Variants in DNER observed in about 807,000 individuals in gnomAD.
DNER encodes delta and Notch-like epidermal growth factor-related receptor.
DNER carries 33 observed loss-of-function variants against 78.2 expected under a neutral mutation model. That is an observed-to-expected ratio of 0.42 (90% CI 0.32 to 0.56). The LOEUF is 0.56. Ranked by LOEUF, DNER falls within the 20% of genes least tolerant of loss-of-function variation. DNER has a pLI of 0.11. For missense variants in DNER, 918 were observed against 975.3 expected, an observed-to-expected ratio of 0.94 and a Z score of 0.78; for synonymous variants, 417 against 384.8, an observed-to-expected ratio of 1.08 and a Z score of -0.98.
chr2:229,612,651 C>T (rs1698070862), intron 1 of DNER, among the ~76,000 whole-genome samples: 7 of 152,334 alleles, frequency 4.6e-5, no homozygotes, highest in Middle Eastern at 3.4e-3. Context: ...GTTTTTTGCA[C>T]TTTGCCAGAA....
At chr2:229,431,077 G>T (rs1019736379) in intron 8 of DNER, among the ~76,000 whole-genome samples, 1 of 151,964 alleles carries the variant, frequency 6.6e-6, no homozygotes, top group African/African-American at 2.4e-5. Context: ...AATCTTTGAA[G>T]ATGTTAAAAA....
Position 229,447,417 on chromosome 2 carries a change from C to G in DNER, c.1385G>C (p.Gly462Ala), listed in dbSNP as rs745866460. Residue 462 changes from glycine to alanine, a missense_variant, in exon 8 of 13, where the codon GGG (glycine) becomes GCG (alanine). Gly to Ala is a moderately conservative substitution (Grantham distance 60, BLOSUM62 0). Coordinates refer to ENST00000341772, the MANE Select transcript of DNER (RefSeq NM_139072.4). ...GTCAATAAGCTGGGCACAGGTCGGCCCTGTGAAGCCCGGGCTGCAGTTGCA... is the reference window on the plus strand; with the variant it reads ...GTCAATAAGCTGGGCACAGGTCGGCGCTGTGAAGCCCGGGCTGCAGTTGCA... ...FTCNCSPGFT[G>A]PTCAQLIDFC... The G allele has an allele frequency of 6.2e-7, 1 of 1,613,964 alleles. No homozygotes were observed. The highest frequency in any genetic ancestry group is 1.3e-5 in the African/African-American group (1 of 75,034).
At chr2:229,554,801 G>A (rs1421871260) in intron 4 of DNER, among the ~76,000 whole-genome samples, 5 of 151,848 alleles carry the variant, frequency 3.3e-5, no homozygotes, top group African/African-American at 9.7e-5. Context: ...ACTGCAGTGA[G>A]CTTTGATTAT....
chr2:229,584,795 G>A (rs368298742), intron 4 of DNER, among the ~76,000 whole-genome samples: 30 of 151,586 alleles, frequency 2.0e-4, no homozygotes, highest in African/African-American at 5.8e-4. Flanking sequence ...TTAGCTGAGC[G>A]TGATGGCACA....
At chr2:229,501,034 C>T (rs1695610660) in intron 6 of DNER, among the ~76,000 whole-genome samples, 1 of 152,060 alleles carries the variant, frequency 6.6e-6, no homozygotes, top group African/African-American at 2.4e-5. Context: ...ATAAGCCAGA[C>T]ACAGAAGGAG....
intron 11 of DNER, among the ~76,000 whole-genome samples, chr2:229,383,732 C>A (rs1692797851): frequency 6.6e-6 from 1 of 152,040 alleles, no homozygotes; most frequent in African/African-American, 2.4e-5. Context: ...TATATGCACC[C>A]AATAAAGGAG....
intron 8 of DNER, among the ~76,000 whole-genome samples, chr2:229,421,386 T>C (rs1693759755): frequency 6.6e-6 from 1 of 151,880 alleles, no homozygotes; most frequent in African/African-American, 2.4e-5. Flanking sequence ...CTGTAATGTA[T>C]ACTTAAACAT....
chr2:229,431,992 C>G (rs1330251027), intron 8 of DNER, among the ~76,000 whole-genome samples: 1 of 152,010 alleles, frequency 6.6e-6, no homozygotes, highest in Non-Finnish European at 1.5e-5. Context: ...TTTAAATTAT[C>G]CATTGTAAAG....
At chr2:229,597,434 T>C in intron 1 of DNER, among the ~76,000 whole-genome samples, 1 of 152,238 alleles carries the variant, frequency 6.6e-6, no homozygotes, top group South Asian at 2.1e-4. Context: ...ATTTGTATTT[T>C]ATCTCATTAA....
chr2:229,697,401 C>T (rs1222018721), intron 1 of DNER, among the ~76,000 whole-genome samples: 1 of 152,130 alleles, frequency 6.6e-6, no homozygotes, highest in Admixed American at 6.5e-5. Flanking sequence ...TTTGGGATGG[C>T]AAACATGTTT....
At chr2:229,557,400 A>T (rs1035525138) in intron 4 of DNER, among the ~76,000 whole-genome samples, 1 of 152,240 alleles carries the variant, frequency 6.6e-6, no homozygotes, top group Non-Finnish European at 1.5e-5. Flanking sequence ...TAAGATCCAC[A>T]GGCCAACTGA....
rs74456281 is a variant in DNER at position 229,709,479 on chromosome 2, C to CTG, written c.276+4667_276+4668dup. 4.7e-4 allele frequency among the ~76,000 whole-genome samples: 71 copies of CTG among 150,792 alleles called. 1 individual carries two copies. Among genetic ancestry groups the CTG allele is most frequent in the East Asian group, 4.7e-3 (24 of 5,150 alleles). On this transcript the variant is annotated intron_variant, in intron 1 of 12. Coordinates refer to ENST00000341772, the MANE Select transcript of DNER (RefSeq NM_139072.4). ...TACTACAATGTGAGTTTGTGTGTGT[C>CTG]TGTGTGTGTGTGTGTGTTTGTGTGT...
intron 6 of DNER, among the ~76,000 whole-genome samples, chr2:229,500,271 AC>A (rs776667087): frequency 8.5e-5 from 13 of 152,228 alleles, no homozygotes; most frequent in Admixed American, 2.0e-4. Context: ...CAAATGGCCA[AC>A]AAGTATATGA....
At chr2:229,475,417 T>C (rs1035198121) in intron 7 of DNER, among the ~76,000 whole-genome samples, 5 of 151,964 alleles carry the variant, frequency 3.3e-5, no homozygotes, top group Non-Finnish European at 5.9e-5. Flanking sequence ...ATCTCCTCCC[T>C]CTCCTCTCCT....
At position 229,403,134 on chromosome 2, in the gene DNER, C is replaced by T. The variant is rs147197041; in HGVS notation, c.1723+4098G>A. On this transcript the variant is annotated intron_variant, in intron 10 of 12. Transcript: ENST00000341772. ...AATGATTTGCCCGATTCACTCCACTCGGTCAAGCAGAGAGTTTTTGAACAC... is the reference window on the plus strand; with the variant it reads ...AATGATTTGCCCGATTCACTCCACTTGGTCAAGCAGAGAGTTTTTGAACAC... 2.7e-3 allele frequency among the ~76,000 whole-genome samples: 411 copies of T among 152,294 alleles called. 1 individual carries two copies. The highest frequency in any genetic ancestry group is 9.2e-3 in the African/African-American group (382 of 41,552).
At chr2:229,487,541 G>T (rs1695302872) in intron 6 of DNER, among the ~76,000 whole-genome samples, 1 of 152,150 alleles carries the variant, frequency 6.6e-6, no homozygotes, top group Admixed American at 6.5e-5. Context: ...GAAATCAAAA[G>T]AAAGAAAACA....
chr2:229,626,538 TC>T (rs1222795051), intron 1 of DNER, among the ~76,000 whole-genome samples: 4 of 152,234 alleles, frequency 2.6e-5, no homozygotes, highest in African/African-American at 9.6e-5. Context: ...GAATCAATGT[TC>T]CTTTCATTGT....
chr2:229,486,456 A>G (rs2154211577), intron 6 of DNER, among the ~76,000 whole-genome samples: 2 of 152,290 alleles, frequency 1.3e-5, no homozygotes, highest in Admixed American at 1.3e-4. Context: ...TCTAACAAGT[A>G]AATAGACAAG....
At chr2:229,677,993 T>C (rs1699323639) in intron 1 of DNER, among the ~76,000 whole-genome samples, 1 of 152,214 alleles carries the variant, frequency 6.6e-6, no homozygotes, top group Non-Finnish European at 1.5e-5. Context: ...AAGAAGTTTG[T>C]TGATCCTAAC....
Sources: gnomAD v4.1 joint callset for allele counts (sites outside exome capture counted in the v4.1 genomes callset) on GRCh38, gnomAD v4.1.1 for gene constraint, MANE v1.5 for transcripts, NCBI Gene and HGNC (gene_info 2026-07-23, HGNC 2026-07-21) for gene names.